CFAP299: variants seen among roughly 807,000 people sequenced by gnomAD.
CFAP299 encodes the protein cilia and flagella associated protein 299.
A neutral mutation model predicts 27.0 loss-of-function variants in CFAP299; 21 were observed. That is an observed-to-expected ratio of 0.78 (90% confidence interval 0.55 to 1.12). The LOEUF (loss-of-function observed/expected upper bound fraction) is 1.12. Ranked by LOEUF, CFAP299 falls within the 50% of genes most tolerant of loss-of-function variation. The pLI is 0.00. For synonymous variants in CFAP299, 104 were observed against 98.1 expected, an observed-to-expected ratio of 1.06 and a Z score of -0.36; for missense variants, 310 against 276.6, an observed-to-expected ratio of 1.12 and a Z score of -0.86.
chr4:80,740,517 A>T (rs558464632), intron 3 of CFAP299, among the ~76,000 whole-genome samples: 14 of 152,260 alleles, frequency 9.2e-5, no homozygotes, highest in Admixed American at 3.9e-4. Flanking sequence ...TGGGCATGTG[A>T]TGATGCAAGT....
intron 3 of CFAP299, among the ~76,000 whole-genome samples, chr4:80,650,539 A>G (rs533683519): frequency 1.3e-5 from 2 of 152,258 alleles, no homozygotes; most frequent in African/African-American, 4.8e-5. Flanking sequence ...TGGCACTTAA[A>G]CTTTTTAAAG....
intron 3 of CFAP299, among the ~76,000 whole-genome samples, chr4:80,830,802 A>G (rs963104775): frequency 6.6e-6 from 1 of 152,116 alleles, no homozygotes; most frequent in Non-Finnish European, 1.5e-5. Context: ...ACAAAACTCA[A>G]GATAATTAAC....
intron 3 of CFAP299, among the ~76,000 whole-genome samples, chr4:80,659,697 A>G (rs1740737703): frequency 6.6e-6 from 1 of 152,218 alleles, no homozygotes; most frequent in Middle Eastern, 3.4e-3. Context: ...TGGATACAAA[A>G]TAATATAACT....
At chr4:80,455,542 C>A (rs1046862596) in intron 2 of CFAP299, among the ~76,000 whole-genome samples, 3 of 151,218 alleles carry the variant, frequency 2.0e-5, no homozygotes, top group African/African-American at 7.3e-5. Context: ...ACTTTGAGAG[C>A]AAGAATGAGC....
At chr4:80,756,049 T>C (rs187363470) in intron 3 of CFAP299, among the ~76,000 whole-genome samples, 2 of 152,272 alleles carry the variant, frequency 1.3e-5, no homozygotes, top group African/African-American at 4.8e-5. Context: ...CTTTTCAATG[T>C]CCATCAATAT....
intron 2 of CFAP299, among the ~76,000 whole-genome samples, chr4:80,454,401 G>T (rs990536273): frequency 1.3e-5 from 2 of 152,182 alleles, no homozygotes; most frequent in Non-Finnish European, 2.9e-5. Flanking sequence ...CAGATAAAGT[G>T]ACTGCCTGGA....
chr4:80,851,363 G>A (rs1731512764), intron 3 of CFAP299, among the ~76,000 whole-genome samples: 2 of 152,094 alleles, frequency 1.3e-5, no homozygotes, highest in Non-Finnish European at 2.9e-5. Context: ...ACATTTTCCT[G>A]TGGTTCTAAG....
intron 2 of CFAP299, among the ~76,000 whole-genome samples, chr4:80,482,355 T>C (rs1374488424): frequency 6.6e-6 from 1 of 152,108 alleles, no homozygotes; most frequent in East Asian, 1.9e-4. Flanking sequence ...ACCCATAAAG[T>C]ATTCTTTTTG....
At chr4:80,634,417 T>A (rs915190276) in intron 3 of CFAP299, among the ~76,000 whole-genome samples, 1 of 152,146 alleles carries the variant, frequency 6.6e-6, no homozygotes, top group African/African-American at 2.4e-5. Context: ...GATTCCCTCA[T>A]GTGTAAAATG....
intron 2 of CFAP299, among the ~76,000 whole-genome samples, chr4:80,365,832 A>G (rs940762745): frequency 6.6e-6 from 1 of 152,220 alleles, no homozygotes; most frequent in African/African-American, 2.4e-5. Flanking sequence ...TCTAAGTTCT[A>G]TTGACATCAC....
chr4:80,716,628 A>T (rs1321837672), intron 3 of CFAP299, among the ~76,000 whole-genome samples: 1 of 152,074 alleles, frequency 6.6e-6, no homozygotes, highest in Non-Finnish European at 1.5e-5. Flanking sequence ...TTTGTAGCTT[A>T]CTTCTTTATT....
chr4:80,800,612 A>G (rs1160549091), intron 3 of CFAP299, among the ~76,000 whole-genome samples: 1 of 99,434 alleles, frequency 1.0e-5, no homozygotes, highest in Non-Finnish European at 1.8e-5. Context: ...ATAAATATAT[A>G]ATATATAATA....
Position 80,598,919 on chromosome 4 carries a change from TC to T in CFAP299, c.333+15737del, listed in dbSNP as rs370456292. On this transcript the variant is annotated intron_variant, in intron 3 of 5. Coordinates refer to ENST00000358105, the MANE Select transcript of CFAP299 (RefSeq NM_152770.3). Reference sequence around the variant, plus strand: ...CCTAATGCTAGAAACTTGACCACATTCTTAGAGTAAATCACTTCCAGTATAG... The same window carrying T: ...CCTAATGCTAGAAACTTGACCACATTTTAGAGTAAATCACTTCCAGTATAG... 5.1e-3 allele frequency among the ~76,000 whole-genome samples: 773 copies of T among 152,282 alleles called. 5 individuals are homozygous for T. The highest frequency in any genetic ancestry group is 0.02 in the Middle Eastern group (6 of 294).
intron 2 of CFAP299, among the ~76,000 whole-genome samples, chr4:80,529,159 A>G (rs1400491412): frequency 6.6e-6 from 1 of 152,134 alleles, no homozygotes; most frequent in Non-Finnish European, 1.5e-5. Flanking sequence ...CTCTCTTGCT[A>G]GATCCTTCAA....
chr4:80,360,214 G>A (rs772138253), intron 1 of CFAP299, among the ~76,000 whole-genome samples: 4 of 152,164 alleles, frequency 2.6e-5, no homozygotes, highest in Non-Finnish European at 5.9e-5. Context: ...GGAGGAGGGT[G>A]AGGTTTGGCA....
intron 3 of CFAP299, among the ~76,000 whole-genome samples, chr4:80,867,268 G>A (rs1312595263): frequency 2.0e-5 from 3 of 151,974 alleles, no homozygotes; most frequent in Non-Finnish European, 2.9e-5. Context: ...TCTAATATTA[G>A]TATACTGATA....
intron 2 of CFAP299, among the ~76,000 whole-genome samples, chr4:80,418,894 C>G (rs1010225299): frequency 1.3e-5 from 2 of 152,142 alleles, no homozygotes; most frequent in African/African-American, 4.8e-5. Context: ...TCATTCATCC[C>G]TTCATGGACA....
chr4:80,464,487 G>C (rs570613250), intron 2 of CFAP299, among the ~76,000 whole-genome samples: 2 of 152,236 alleles, frequency 1.3e-5, no homozygotes, highest in Admixed American at 6.5e-5. Flanking sequence ...TAACATTTCA[G>C]AGCTTTACAG....
chr4:80,545,422 T>C (rs1469461719), intron 2 of CFAP299, among the ~76,000 whole-genome samples: 1 of 152,068 alleles, frequency 6.6e-6, no homozygotes, highest in Non-Finnish European at 1.5e-5. Flanking sequence ...GTTGGTTTAT[T>C]ACAAACCACC....
Sources: gnomAD v4.1 joint callset for allele counts (sites outside exome capture counted in the v4.1 genomes callset) on GRCh38, gnomAD v4.1.1 for gene constraint, MANE v1.5 for transcripts, NCBI Gene and HGNC (gene_info 2026-07-23, HGNC 2026-07-21) for gene names.